Variants in VAV2 observed in about 807,000 individuals in gnomAD.
VAV2 encodes vav guanine nucleotide exchange factor 2, also known as guanine nucleotide exchange factor VAV2.
In VAV2, 67 loss-of-function variants were observed where a neutral mutation model predicts 132.5. The ratio of observed to expected loss-of-function variants is 0.51; its 90% confidence interval spans 0.42 to 0.62. The LOEUF is 0.62. Ranked by LOEUF, VAV2 falls within the 20% of genes least tolerant of loss-of-function variation. The pLI is 0.00. For synonymous variants in VAV2, 492 were observed against 443.5 expected (o/e 1.11, Z -1.37); for missense variants, 938 against 1,153.6 (o/e 0.81, Z 2.71).
rs972204283 is a variant in VAV2, at chr9:133,823,609, A to T, written c.449+10663T>A. On this transcript the variant is annotated intron_variant, in intron 4 of 29. Coordinates refer to ENST00000371850, the MANE Select transcript of VAV2 (RefSeq NM_001134398.2). The surrounding 1 kb of genome is among the most constrained non-coding windows in gnomAD (Gnocchi z 5.5). ...GAACAGCACGAGGAGGGCGATTTAGAGGGGGAGGGACCTTCATCAGACACA... is the reference window on the plus strand; with the variant it reads ...GAACAGCACGAGGAGGGCGATTTAGTGGGGGAGGGACCTTCATCAGACACA... 1.3e-5 allele frequency among the ~76,000 whole-genome samples: 2 copies of T among 152,124 alleles called. No homozygotes were observed. Among genetic ancestry groups the T allele is most frequent in the Non-Finnish European group, 2.9e-5 (2 of 68,022 alleles).
At chr9:133,968,090 G>T (rs1341510393) in intron 1 of VAV2, among the ~76,000 whole-genome samples, 2 of 152,064 alleles carry the variant, frequency 1.3e-5, no homozygotes, top group Non-Finnish European at 2.9e-5. Flanking sequence ...GGTTAATGGG[G>T]GCAAACATGC....
chr9:133,807,592 G>T (rs960832388), intron 7 of VAV2, among the ~76,000 whole-genome samples: 2 of 152,202 alleles, frequency 1.3e-5, no homozygotes, highest in Admixed American at 1.3e-4. Context: ...GGGTGGACTT[G>T]GGCACTATGG....
intron 2 of VAV2, among the ~76,000 whole-genome samples, chr9:133,875,501 A>C (rs533512794): frequency 7.2e-5 from 11 of 152,338 alleles, no homozygotes; most frequent in African/African-American, 2.6e-4. Flanking sequence ...GAGTCTGAGC[A>C]GCTCGAAGTG....
At chr9:133,977,930 ACGCAGC>A (rs1842566615) in intron 1 of VAV2, among the ~76,000 whole-genome samples, 2 of 103,878 alleles carry the variant, frequency 1.9e-5, no homozygotes, top group African/African-American at 6.1e-5. Flanking sequence ...GCCCTGGGGC[ACGCAGC>A]TCCCACGCCC....
chr9:133,776,135 G>C, intron 23 of VAV2, 55 bp from the exon 24 acceptor site: 1 of 1,594,188 alleles, frequency 6.3e-7, no homozygotes, highest in Non-Finnish European at 8.6e-7. Flanking sequence ...CACAGAGCAG[G>C]GCTCAGAGGG....
intron 1 of VAV2, among the ~76,000 whole-genome samples, chr9:133,953,075 G>A (rs528126344): frequency 1.3e-5 from 2 of 152,214 alleles, no homozygotes; most frequent in South Asian, 4.2e-4. Flanking sequence ...CGGCCCCACT[G>A]ACACCTAGAA....
At chr9:133,792,681 C>A (rs1307230855) in intron 12 of VAV2, among the ~76,000 whole-genome samples, 2 of 27,962 alleles carry the variant, frequency 7.2e-5, no homozygotes, top group Non-Finnish European at 1.3e-4. Flanking sequence ...CCAAGGGACC[C>A]CCCCCCCCAC....
chr9:133,861,236 G>C (rs558672249), intron 3 of VAV2, 138 bp downstream of exon 3: 2 of 908,894 alleles, frequency 2.2e-6, no homozygotes, highest in Non-Finnish European at 3.1e-6. Context: ...AACGGGTTAC[G>C]CGACAACACG....
Position 133,809,021 on chromosome 9 carries a change from GGCC to G in VAV2, c.666+16_666+18del. ...ACAGTGGCCGCTGCCATTTTCCAGT[GGCC>G]GCCATCTGCCCTCACCTTCTCAATG... On this transcript the variant is annotated intron_variant, in intron 7 of 29. Coordinates refer to ENST00000371850, the MANE Select transcript of VAV2 (RefSeq NM_001134398.2). 1.9e-6 allele frequency: 3 copies of G among 1,609,264 alleles called. No homozygotes were observed. Among genetic ancestry groups the G allele is most frequent in the East Asian group, 2.2e-5 (1 of 44,742 alleles).
At chr9:133,932,626 C>T (rs1298917681) in intron 2 of VAV2, among the ~76,000 whole-genome samples, 1 of 152,230 alleles carries the variant, frequency 6.6e-6, no homozygotes, top group Non-Finnish European at 1.5e-5. Flanking sequence ...AGGGGACAGT[C>T]TCAAGCTTCA....
intron 16 of VAV2, 23 bp from the exon 17 acceptor site, chr9:133,785,908 G>A (rs2131604578): frequency 6.2e-7 from 1 of 1,600,420 alleles, no homozygotes; most frequent in South Asian, 1.1e-5. Flanking sequence ...GAGGGGCCAT[G>A]CTTGCAATAG....
rs552263843 is a variant in VAV2, at chr9:133,829,126, C to T, written c.449+5146G>A. On this transcript the variant is annotated intron_variant, in intron 4 of 29. Coordinates refer to ENST00000371850, the MANE Select transcript of VAV2 (RefSeq NM_001134398.2). The stretch of plus-strand genomic sequence containing the variant: ...TGGGCCCCCAAGAGTTGGGCAGGAA[C>T]GAAAAGGGAAGCGCAGTGCCTGCCA... Among the ~76,000 whole-genome samples the T allele has an allele frequency of 2.0e-4, 31 of 152,272 alleles. 2 individuals are homozygous for T. The South Asian group carries it at 5.8e-3, about 28-fold the overall frequency.
rs762465346 is a variant in VAV2, at chr9:133,789,269, G to T, written c.1263C>A (p.Thr421=). 1 of 1,614,014 alleles carries T rather than the reference G, an allele frequency of 6.2e-7. No homozygotes were observed. Among genetic ancestry groups the T allele is most frequent in the Non-Finnish European group, 8.5e-7 (1 of 1,180,036 alleles). ...CGCGCCCTGCTCACCTGTCCTGCTT[G>T]GTGTGGTTGACTATGGACCGGACTT... ...ELKVRSIVNH[T]KQDRYLFLFD... is the part of the protein sequence containing the mutation. The change falls in exon 14 of 30, where the codon ACC becomes ACA. Residue 421 remains threonine, a synonymous_variant. Transcript: ENST00000371850.
intron 1 of VAV2, among the ~76,000 whole-genome samples, chr9:133,964,044 T>TATATATATAC (rs1483505589): frequency 3.2e-5 from 3 of 94,000 alleles, no homozygotes; most frequent in Non-Finnish European, 4.8e-5. Context: ...TATATATATA[T>TATATATATAC]ATATACATAT....
At chr9:133,785,747 G>C in intron 17 of VAV2, 29 bp downstream of exon 17, 1 of 1,605,890 alleles carries the variant, frequency 6.2e-7, no homozygotes, top group Non-Finnish European at 8.5e-7. Flanking sequence ...ATCTGCCAGG[G>C]ACCTGGGGGC....
At chr9:133,959,955 G>A (rs892759267) in intron 1 of VAV2, among the ~76,000 whole-genome samples, 4 of 152,196 alleles carry the variant, frequency 2.6e-5, no homozygotes, top group Non-Finnish European at 4.4e-5. Flanking sequence ...GAGAATGCAC[G>A]TTTGTTGTCC....
At chr9:133,785,341 T>C (rs1239739225) in intron 17 of VAV2, among the ~76,000 whole-genome samples, 1 of 152,196 alleles carries the variant, frequency 6.6e-6, no homozygotes. Flanking sequence ...TGAGTCCTCT[T>C]GGATCTCATG....
At chr9:133,962,642 C>T (rs746694700) in intron 1 of VAV2, among the ~76,000 whole-genome samples, 1 of 152,174 alleles carries the variant, frequency 6.6e-6, no homozygotes, top group Non-Finnish European at 1.5e-5. Context: ...ACAAAGCTCC[C>T]GGTGCTGGGA....
At chr9:133,955,420 C>A (rs1841724259) in intron 1 of VAV2, among the ~76,000 whole-genome samples, 1 of 134,896 alleles carries the variant, frequency 7.4e-6, no homozygotes, top group Admixed American at 7.4e-5. Flanking sequence ...CTCCTCCCCA[C>A]CCCCCTGCTT....
Sources: gnomAD v4.1 joint callset for allele counts (sites outside exome capture counted in the v4.1 genomes callset) on GRCh38, gnomAD v4.1.1 for gene constraint, Gnocchi (gnomAD v3.1) non-coding constraint, MANE v1.5 for transcripts, NCBI Gene and HGNC (gene_info 2026-07-23, HGNC 2026-07-21) for gene names.